The following CD86 variants were observed in gnomAD, a reference collection of about 807,000 sequenced individuals.
CD86 encodes the protein CD86 molecule, also known as T-lymphocyte activation antigen CD86.
Under a neutral mutation model 32.1 loss-of-function variants are expected in CD86, and 11 were observed. The observed-to-expected ratio is 0.34, with a 90% CI of 0.22 to 0.57. The LOEUF (loss-of-function observed/expected upper bound fraction) is 0.57. Ranked by LOEUF, CD86 falls within the 20% of genes least tolerant of loss-of-function variation. The probability of loss-of-function intolerance (pLI) is 0.86; values close to 1 mark genes in which losing one functional copy is unlikely to be tolerated. For missense variants in CD86, 359 were observed against 398.4 expected (o/e 0.90, Z 0.84); for synonymous variants, 137 against 135.3 (o/e 1.01, Z -0.09).
At chr3:122,095,129 C>T (rs2072885633) in intron 2 of CD86, among the ~76,000 whole-genome samples, 1 of 151,342 alleles carries the variant, frequency 6.6e-6, no homozygotes, top group African/African-American at 2.4e-5. Flanking sequence ...TAGTTAATTT[C>T]ATGTACCTGG....
At chr3:122,076,801 T>C (rs1185277293) in intron 1 of CD86, among the ~76,000 whole-genome samples, 1 of 152,218 alleles carries the variant, frequency 6.6e-6, no homozygotes, top group Non-Finnish European at 1.5e-5. Context: ...GTTTCCTTTG[T>C]TTTTCACAAC....
At chr3:122,074,168 G>T (rs1349986224) in intron 1 of CD86, among the ~76,000 whole-genome samples, 1 of 152,204 alleles carries the variant, frequency 6.6e-6, no homozygotes, top group Non-Finnish European at 1.5e-5. Flanking sequence ...AGCAAAGCAT[G>T]CTGCCTTTCT....
chr3:122,110,959 C>G (rs1328396832), intron 5 of CD86, among the ~76,000 whole-genome samples: 1 of 152,014 alleles, frequency 6.6e-6, no homozygotes, highest in East Asian at 1.9e-4. Flanking sequence ...GTTTCTTCCT[C>G]CATGAGGCAA....
At chr3:122,068,943 AAGG>A (rs1371453038) in intron 1 of CD86, among the ~76,000 whole-genome samples, 1 of 152,214 alleles carries the variant, frequency 6.6e-6, no homozygotes, top group African/African-American at 2.4e-5. Context: ...ATACGAAGAG[AAGG>A]AGAAGAGATA....
At chr3:122,073,339 T>C (rs529955931) in intron 1 of CD86, among the ~76,000 whole-genome samples, 1 of 152,124 alleles carries the variant, frequency 6.6e-6, no homozygotes, top group Non-Finnish European at 1.5e-5. Flanking sequence ...TATGTTCAGA[T>C]CTTTTGCTCC....
At chr3:122,108,785 A>G (rs1347456898) in intron 4 of CD86, among the ~76,000 whole-genome samples, 1 of 152,214 alleles carries the variant, frequency 6.6e-6, no homozygotes, top group African/African-American at 2.4e-5. Flanking sequence ...AACTAGAGGT[A>G]GGGGCCTGTG....
At chr3:122,083,507 T>C (rs1210868065) in intron 1 of CD86, among the ~76,000 whole-genome samples, 1 of 152,208 alleles carries the variant, frequency 6.6e-6, no homozygotes, top group Non-Finnish European at 1.5e-5. Context: ...ATTCAATCTG[T>C]TCTGTTTGCC....
intron 1 of CD86, among the ~76,000 whole-genome samples, chr3:122,060,725 A>G (rs2072320938): frequency 6.6e-6 from 1 of 152,230 alleles, no homozygotes; most frequent in Non-Finnish European, 1.5e-5. Context: ...TTTCTGGAAG[A>G]AAATAATTTT....
intron 1 of CD86, among the ~76,000 whole-genome samples, chr3:122,078,979 T>C (rs1243558421): frequency 6.6e-6 from 1 of 152,228 alleles, no homozygotes; most frequent in Non-Finnish European, 1.5e-5. Context: ...CTGTGTATAA[T>C]GGAAGCTTTT....
At chr3:122,075,983 G>C (rs981431859) in intron 1 of CD86, among the ~76,000 whole-genome samples, 1 of 152,160 alleles carries the variant, frequency 6.6e-6, no homozygotes, top group Non-Finnish European at 1.5e-5. Context: ...GGAAGCCAAA[G>C]CTCAGAGAGG....
rs1576751977 is a variant in CD86 at position 122,055,382 on chromosome 3, T to C, written c.-108T>C. The C allele has an allele frequency of 2.5e-5, 27 of 1,097,892 alleles. No homozygotes were observed. The East Asian group carries it at 6.1e-4, about 25-fold the overall frequency. 68.0% of individuals were successfully genotyped at this position (1,097,892 alleles called of 1,614,324 possible). A position where few individuals can be genotyped will look rare whatever the true frequency, so the allele number is the denominator to read the frequency against. ...TATACAGTCATTGCCGAGGAAGGCT[T>C]GCACAGGGTGAAAGCTTTGCTTCTC... On this transcript the variant is annotated 5_prime_UTR_variant, in exon 1 of 7. Transcript: ENST00000330540.
chr3:122,109,391 G>T lies in CD86; in HGVS notation c.830G>T (p.Arg277Leu), dbSNP rs750874477. 2 of 1,613,984 alleles carry T rather than the reference G, an allele frequency of 1.2e-6. No individual in the cohort carries two copies. The highest frequency in any genetic ancestry group is 2.2e-5 in the South Asian group (2 of 91,048). Residue 277 changes from arginine to leucine, a missense_variant, in exon 5 of 7, where the codon CGC (arginine) becomes CTC (leucine). Physicochemically the swap from Arg to Leu is moderately radical, Grantham distance 102 (BLOSUM62 -2). Transcript: ENST00000330540. ...LWKWKKKKRPRNSYKCGTNTM... is the reference protein window; with the variant it reads ...LWKWKKKKRPLNSYKCGTNTM... The stretch of plus-strand genomic sequence containing the variant: ...AAATGGAAGAAGAAGAAGCGGCCTC[G>T]CAACTCTTATAAATGTGGTGAGTGA...
intron 1 of CD86, among the ~76,000 whole-genome samples, chr3:122,059,705 A>G (rs903643870): frequency 4.6e-5 from 7 of 152,176 alleles, no homozygotes; most frequent in Admixed American, 1.3e-4. Flanking sequence ...TGGCTCCCTT[A>G]AAATTCATAT....
At chr3:122,108,320 G>A (rs780523760) in intron 4 of CD86, among the ~76,000 whole-genome samples, 16 of 152,180 alleles carry the variant, frequency 1.1e-4, no homozygotes, top group Non-Finnish European at 1.5e-5. Context: ...CAGCCTCCAC[G>A]TTAGTAAGTA....
At chr3:122,075,975 A>G (rs1158176689) in intron 1 of CD86, among the ~76,000 whole-genome samples, 2 of 152,172 alleles carry the variant, frequency 1.3e-5, no homozygotes, top group African/African-American at 4.8e-5. Flanking sequence ...TTCTGTGAGG[A>G]AGCCAAAGCT....
rs918633879 is a variant in CD86 at position 122,066,090 on chromosome 3, C to T, written c.14+10587C>T. 5.3e-5 allele frequency among the ~76,000 whole-genome samples: 8 copies of T among 152,256 alleles called. No individual in the cohort carries two copies. In the South Asian group the frequency reaches 6.2e-4, roughly 12 times the overall value. On this transcript the variant is annotated intron_variant, in intron 1 of 6. Coordinates refer to ENST00000330540, the MANE Select transcript of CD86 (RefSeq NM_175862.5). Reference sequence around the variant, plus strand: ...CCTTAAATGTTTCTAATTTTATTTTCAAACAATCAGGCAGAGTAATCCCTT... The same window carrying T: ...CCTTAAATGTTTCTAATTTTATTTTTAAACAATCAGGCAGAGTAATCCCTT...
At chr3:122,117,740 C>G (rs1052232863) in intron 5 of CD86, among the ~76,000 whole-genome samples, 3 of 152,204 alleles carry the variant, frequency 2.0e-5, no homozygotes, top group African/African-American at 7.2e-5. Flanking sequence ...AAAATGATTG[C>G]TAAAACTAAA....
intron 1 of CD86, among the ~76,000 whole-genome samples, chr3:122,090,772 A>G (rs539699086): frequency 1.1e-4 from 16 of 152,334 alleles, no homozygotes; most frequent in African/African-American, 3.8e-4. Flanking sequence ...AGGGAGAGGA[A>G]GAAAGAAGAT....
At chr3:122,117,061 A>T (rs2681399) in intron 5 of CD86, among the ~76,000 whole-genome samples, 2 of 151,954 alleles carry the variant, frequency 1.3e-5, no homozygotes, top group South Asian at 4.2e-4. Context: ...TTTATCTTTT[A>T]TTTTTATTTT....
Sources: gnomAD v4.1 joint callset for allele counts (sites outside exome capture counted in the v4.1 genomes callset) on GRCh38, gnomAD v4.1.1 for gene constraint, MANE v1.5 for transcripts, NCBI Gene and HGNC (gene_info 2026-07-23, HGNC 2026-07-21) for gene names.